The following ROBO2 variants were observed in gnomAD, a reference collection of about 807,000 sequenced individuals.
The protein encoded by ROBO2 is roundabout homolog 2.
In ROBO2, 53 loss-of-function variants were observed where a neutral mutation model predicts 160.8. That is an observed-to-expected ratio of 0.33 (90% CI 0.26 to 0.41). The LOEUF is 0.41. Among genes scored for constraint, ROBO2 ranks in the 10% least tolerant of loss-of-function variants. The pLI is 1.00. For synonymous variants in ROBO2, 664 were observed against 611.7 expected, an observed-to-expected ratio of 1.09 and a Z score of -1.26; for missense variants, 1,577 against 1,722.4, an observed-to-expected ratio of 0.92 and a Z score of 1.49.
At chr3:76,011,469 C>T (rs554178505) in intron 2 of ROBO2, among the ~76,000 whole-genome samples, 5 of 152,128 alleles carry the variant, frequency 3.3e-5, no homozygotes, top group Non-Finnish European at 7.4e-5. Context: ...GATGGGAATC[C>T]GGCCACATCC....
intron 13 of ROBO2, among the ~76,000 whole-genome samples, chr3:77,571,898 C>A (rs189867793): frequency 2.8e-4 from 41 of 146,564 alleles, no homozygotes; most frequent in Non-Finnish European, 5.6e-4. Context: ...CAACAAATTT[C>A]GTCCTGAAAA....
chr3:76,740,626 T>A (rs1483932753), intron 2 of ROBO2, among the ~76,000 whole-genome samples: 1 of 152,148 alleles, frequency 6.6e-6, no homozygotes, highest in Admixed American at 6.6e-5. Flanking sequence ...TTAATTATCA[T>A]GACAGTGACA....
At chr3:75,998,579 TTA>T (rs2107549407) in intron 2 of ROBO2, among the ~76,000 whole-genome samples, 1 of 152,300 alleles carries the variant, frequency 6.6e-6, no homozygotes, top group East Asian at 1.9e-4. Context: ...TCCTAAGTAT[TTA>T]TATGTTTAAT....
At chr3:77,252,832 ATATATAT>A (rs1303349135) in intron 2 of ROBO2, among the ~76,000 whole-genome samples, 7 of 26,262 alleles carry the variant, frequency 2.7e-4, no homozygotes, top group Admixed American at 1.2e-3. Context: ...AAAAAAAAAA[ATATATAT>A]ATATATATAT....
chr3:76,005,225 AT>A (rs2065987681), intron 2 of ROBO2, among the ~76,000 whole-genome samples: 1 of 152,202 alleles, frequency 6.6e-6, no homozygotes, highest in South Asian at 2.1e-4. Context: ...ATTTGAATGA[AT>A]ATTAGTAAGA....
chr3:77,021,606 C>T (rs1020116341), intron 2 of ROBO2, among the ~76,000 whole-genome samples: 3 of 139,996 alleles, frequency 2.1e-5, no homozygotes, highest in African/African-American at 7.4e-5. Flanking sequence ...AAAATCTGAA[C>T]AAATGTATCT....
chr3:76,623,452 T>G (rs2089375470), intron 2 of ROBO2, among the ~76,000 whole-genome samples: 1 of 152,198 alleles, frequency 6.6e-6, no homozygotes. Flanking sequence ...TTGCATTCTA[T>G]TACATGCTTT....
chr3:76,521,147 C>T (rs1445389189), intron 2 of ROBO2, among the ~76,000 whole-genome samples: 1 of 146,140 alleles, frequency 6.8e-6, no homozygotes, highest in Admixed American at 7.2e-5. Flanking sequence ...CTTTCGGGTT[C>T]AAGCAATTCT....
chr3:77,002,192 T>C (rs1420661799), intron 2 of ROBO2, among the ~76,000 whole-genome samples: 1 of 152,088 alleles, frequency 6.6e-6, no homozygotes, highest in African/African-American at 2.4e-5. Context: ...ATCTCTTTCA[T>C]GTTCCAGAAA....
At chr3:76,467,511 G>A (rs778272267) in intron 2 of ROBO2, among the ~76,000 whole-genome samples, 53 of 151,986 alleles carry the variant, frequency 3.5e-4, no homozygotes, top group African/African-American at 5.1e-4. Context: ...ATGTCAAGTC[G>A]GAACCATGTG....
At chr3:76,115,110 A>T (rs532156785) in intron 2 of ROBO2, among the ~76,000 whole-genome samples, 1 of 152,156 alleles carries the variant, frequency 6.6e-6, no homozygotes, top group Non-Finnish European at 1.5e-5. Flanking sequence ...TCAACTTCGC[A>T]TAAATCACTG....
chr3:76,706,612 A>G (rs902762300), intron 2 of ROBO2, among the ~76,000 whole-genome samples: 1 of 152,100 alleles, frequency 6.6e-6, no homozygotes, highest in Non-Finnish European at 1.5e-5. Context: ...AACAAATTGA[A>G]TATAAACTTT....
chr3:76,477,372 T>G (rs1338799220), intron 2 of ROBO2, among the ~76,000 whole-genome samples: 3 of 152,174 alleles, frequency 2.0e-5, no homozygotes, highest in Non-Finnish European at 4.4e-5. Context: ...TATAAATATT[T>G]TTATGATTAA....
chr3:75,925,193 G>T (rs1026085653), intron 1 of ROBO2, among the ~76,000 whole-genome samples: 3 of 152,040 alleles, frequency 2.0e-5, no homozygotes, highest in African/African-American at 7.2e-5. Flanking sequence ...AGGAGTTTCA[G>T]ATCAGCCCGG....
intron 2 of ROBO2, among the ~76,000 whole-genome samples, chr3:77,108,277 T>TATATATATGTATACACATATGC (rs2073109466): frequency 1.1e-5 from 1 of 94,064 alleles, no homozygotes. Context: ...CATATGCATA[T>TATATATATGTATACACATATGC]ATATATATGT....
At chr3:77,360,086 A>T (rs2069710988) in intron 2 of ROBO2, among the ~76,000 whole-genome samples, 1 of 152,112 alleles carries the variant, frequency 6.6e-6, no homozygotes, top group African/African-American at 2.4e-5. Flanking sequence ...TAGGGATGAA[A>T]TCCCCTAAGT....
chr3:76,805,739 T>A (rs938011760), intron 2 of ROBO2, among the ~76,000 whole-genome samples: 1 of 151,376 alleles, frequency 6.6e-6, no homozygotes, highest in Non-Finnish European at 1.5e-5. Context: ...TATATATCAA[T>A]AAGCAACCTT....
chr3:76,350,960 G>A (rs2074835838), intron 2 of ROBO2, among the ~76,000 whole-genome samples: 1 of 151,896 alleles, frequency 6.6e-6, no homozygotes, highest in Non-Finnish European at 1.5e-5. Context: ...AAAAATGAGT[G>A]AAATTGGTAT....
chr3:75,956,707 A>G lies in ROBO2; in HGVS notation c.109+19105A>G, dbSNP rs58252766. Among the ~76,000 whole-genome samples the G allele has an allele frequency of 7.8e-3, 1,190 of 151,826 alleles. 17 individuals carry two copies. The highest frequency in any genetic ancestry group is 0.027 in the African/African-American group (1,110 of 41,504). ...TCCTCCAGTAAAATGTAAAGTGACCAAAATGTAAGTGTCATGCAGGCAAGG... is the reference window on the plus strand; with the variant it reads ...TCCTCCAGTAAAATGTAAAGTGACCGAAATGTAAGTGTCATGCAGGCAAGG... On this transcript the variant is annotated intron_variant, in intron 2 of 26. Transcript: ENST00000487694.
Sources: gnomAD v4.1 joint callset for allele counts (sites outside exome capture counted in the v4.1 genomes callset) on GRCh38, gnomAD v4.1.1 for gene constraint, MANE v1.5 for transcripts, NCBI Gene and HGNC (gene_info 2026-07-23, HGNC 2026-07-21) for gene names.